Variants in PCDHGA1 observed in about 807,000 individuals in gnomAD.
PCDHGA1 encodes the protein protocadherin gamma subfamily A, 1, also known as protocadherin gamma-A1.
A neutral mutation model predicts 58.0 loss-of-function variants in PCDHGA1; 32 were observed. That is an observed-to-expected ratio of 0.55 (90% CI 0.42 to 0.74). PCDHGA1 has a LOEUF of 0.74. Ranked by LOEUF, PCDHGA1 falls within the 30% of genes least tolerant of loss-of-function variation. The probability of loss-of-function intolerance (pLI) is 0.00; values close to 1 mark genes in which losing one functional copy is unlikely to be tolerated. For missense variants in PCDHGA1, 1,205 were observed against 1,182.3 expected (o/e 1.02, Z -0.28); for synonymous variants, 498 against 501.1 (o/e 0.99, Z 0.08).
At chr5:141,335,325 A>T (rs1756560167) in intron 1 of PCDHGA1, among the ~76,000 whole-genome samples, 1 of 152,226 alleles carries the variant, frequency 6.6e-6, no homozygotes. Context: ...ATAAAAATAC[A>T]CTGAAACAGT....
At chr5:141,339,412 G>A (rs200844226) in intron 1 of PCDHGA1, 34 of 1,614,068 alleles carry the variant, frequency 2.1e-5, no homozygotes, top group Non-Finnish European at 2.3e-5. Context: ...AAACCACTAC[G>A]CCAGGATTCC....
In PCDHGA1 at chr5:141,477,798, A is replaced by G; in HGVS notation, c.2422-17009A>G. On this transcript the variant is annotated intron_variant, in intron 1 of 3. Transcript: ENST00000517417. The surrounding 1 kb of genome is among the most constrained non-coding windows in gnomAD (Gnocchi z 4.9). ...GTGAACATATTTGTCACTGATCGCA[A>G]TGACAATGCCCCCCAGGTCCTATAT... The G allele has an allele frequency of 6.2e-7, 1 of 1,614,140 alleles. No homozygotes were observed. The highest frequency in any genetic ancestry group is 8.5e-7 in the Non-Finnish European group (1 of 1,180,038).
Position 141,491,712 on chromosome 5 carries a change from G to C in PCDHGA1, c.2422-3095G>C. 3.1e-6 allele frequency: 5 copies of C among 1,609,408 alleles called. No individual in the cohort carries two copies. Among genetic ancestry groups the C allele is most frequent in the Middle Eastern group, 1.7e-4 (1 of 6,024 alleles). ...GGGAGCGGAGCCAGGTGAGGGGCTCGGCGCCGCCCCGGGCGACCCCTGGGG... is the reference window on the plus strand; with the variant it reads ...GGGAGCGGAGCCAGGTGAGGGGCTCCGCGCCGCCCCGGGCGACCCCTGGGG... On this transcript the variant is annotated intron_variant, in intron 1 of 3. Transcript: ENST00000517417. The surrounding 1 kb of genome is among the most constrained non-coding windows in gnomAD (Gnocchi z 6.9).
chr5:141,357,095 T>C (rs1263482275), intron 1 of PCDHGA1: 4 of 1,613,868 alleles, frequency 2.5e-6, no homozygotes, highest in Admixed American at 3.3e-5. Context: ...GCACGGGCCC[T>C]GCTGGACAGA....
At chr5:141,340,827 T>C (rs1455827873) in intron 1 of PCDHGA1, 2 of 1,613,750 alleles carry the variant, frequency 1.2e-6, no homozygotes, top group Non-Finnish European at 1.7e-6. Context: ...CTCTTCTCGG[T>C]GGGTCTGCAC....
intron 1 of PCDHGA1, chr5:141,382,935 A>C: frequency 6.3e-7 from 1 of 1,589,148 alleles, no homozygotes; most frequent in Non-Finnish European, 8.6e-7. Flanking sequence ...ACTACAGAGG[A>C]TTCTTCCTGC....
At chr5:141,394,662 T>C in intron 1 of PCDHGA1, 3 of 1,613,258 alleles carry the variant, frequency 1.9e-6, no homozygotes, top group African/African-American at 2.7e-5. Flanking sequence ...GCCGGGACTC[T>C]TCTCGGTGGG....
rs1435240793 is a variant in PCDHGA1 at position 141,402,906 on chromosome 5, CA to C, written c.2421+69802del. ...GGGTGGAAGAAAGAACCTGATGAAG[CA>C]GCGCGCACAGAGATCCTTTTGAGAA... On this transcript the variant is annotated intron_variant, in intron 1 of 3. Coordinates refer to ENST00000517417, the MANE Select transcript of PCDHGA1 (RefSeq NM_018912.3). The C allele has an allele frequency of 3.9e-6, 6 of 1,529,062 alleles. No homozygotes were observed. The African/African-American group carries it at 8.3e-5, about 21-fold the overall frequency. 94.7% of individuals were successfully genotyped at this position (1,529,062 alleles called of 1,614,324 possible). A position where few individuals can be genotyped will look rare whatever the true frequency, so the allele number is the denominator to read the frequency against.
At chr5:141,456,342 G>A (rs1439003615) in intron 1 of PCDHGA1, among the ~76,000 whole-genome samples, 1 of 152,114 alleles carries the variant, frequency 6.6e-6, no homozygotes, top group African/African-American at 2.4e-5. Context: ...AAGGGTCCTC[G>A]GAAGAATGGC....
intron 1 of PCDHGA1, chr5:141,376,561 A>C (rs780141155): frequency 4.2e-5 from 67 of 1,608,210 alleles, no homozygotes; most frequent in Non-Finnish European, 5.4e-5. Context: ...CCGCAACCCA[A>C]CTAATCAGAC....
intron 1 of PCDHGA1, chr5:141,342,569 G>T (rs1287393532): frequency 6.6e-6 from 1 of 152,164 alleles, no homozygotes; most frequent in Non-Finnish European, 1.5e-5. Flanking sequence ...ACAAGGTGTT[G>T]TTTTGGTTAC....
chr5:141,344,595 G>A, intron 1 of PCDHGA1: 1 of 1,613,976 alleles, frequency 6.2e-7, no homozygotes, highest in Admixed American at 1.7e-5. Context: ...CGTCTCTGAG[G>A]GGGCCAAGTA....
chr5:141,414,867 C>T (rs2095797355), intron 1 of PCDHGA1: 9 of 1,614,230 alleles, frequency 5.6e-6, no homozygotes, highest in South Asian at 1.1e-5. Flanking sequence ...ACAATGCGCC[C>T]GAGATCCTGT....
intron 1 of PCDHGA1, chr5:141,404,701 G>T (rs563319884): frequency 6.2e-7 from 1 of 1,614,074 alleles, no homozygotes; most frequent in African/African-American, 1.3e-5. Flanking sequence ...GCTCTGCAGA[G>T]CCTGGCTACC....
At position 141,331,636 on chromosome 5, in the gene PCDHGA1, G is replaced by A; in HGVS notation, c.952G>A (p.Glu318Lys). ...DFEEYKMYSMEVQAQDGAGLM... is the reference protein window; with the variant it reads ...DFEEYKMYSMKVQAQDGAGLM... Reference sequence around the variant, plus strand: ...CGAAGAATACAAAATGTATTCAATGGAAGTTCAAGCCCAGGATGGTGCGGG... The same window carrying A: ...CGAAGAATACAAAATGTATTCAATGAAAGTTCAAGCCCAGGATGGTGCGGG... Residue 318 changes from glutamate to lysine, a missense_variant, in exon 1 of 4, where the codon GAA becomes AAA. Coordinates refer to ENST00000517417, the MANE Select transcript of PCDHGA1 (RefSeq NM_018912.3). The A allele has an allele frequency of 6.2e-7, 1 of 1,614,094 alleles. No individual in the cohort carries two copies. The highest frequency in any genetic ancestry group is 8.5e-7 in the Non-Finnish European group (1 of 1,180,012).
chr5:141,476,711 G>C lies in PCDHGA1; in HGVS notation c.2422-18096G>C. 1 of 1,614,194 alleles carries C rather than the reference G, an allele frequency of 6.2e-7. No individual in the cohort carries two copies. The highest frequency in any genetic ancestry group is 8.5e-7 in the Non-Finnish European group (1 of 1,180,042). On this transcript the variant is annotated intron_variant, in intron 1 of 3. Coordinates refer to ENST00000517417, the MANE Select transcript of PCDHGA1 (RefSeq NM_018912.3). This position sits in a 1 kb window ranked among gnomAD's most constrained non-coding sequence, Gnocchi z 7.6. ...CACCAAGTACGCGGAGCTGGTGTTG[G>C]AGCGCGCCCTGGACCGAGAACGGGA...
Position 141,491,140 on chromosome 5 carries a change from T to A in PCDHGA1, c.2422-3667T>A, listed in dbSNP as rs1392575961. On this transcript the variant is annotated intron_variant, in intron 1 of 3. Coordinates refer to ENST00000517417, the MANE Select transcript of PCDHGA1 (RefSeq NM_018912.3). This position sits in a 1 kb window ranked among gnomAD's most constrained non-coding sequence, Gnocchi z 6.9. ...TGGTGAGGTGCGCACAGCCCGGGCC[T>A]TACTGGAGGATGACTCTGACACCCA... 2 of 1,614,110 alleles carry A rather than the reference T, an allele frequency of 1.2e-6. No individual in the cohort carries two copies. Among genetic ancestry groups the A allele is most frequent in the Non-Finnish European group, 1.7e-6 (2 of 1,179,992 alleles).
Position 141,333,001 on chromosome 5 carries a change from C to A in PCDHGA1, c.2317C>A (p.Pro773Thr). 3 of 1,614,198 alleles carry A rather than the reference C, an allele frequency of 1.9e-6. No homozygotes were observed. Among genetic ancestry groups the A allele is most frequent in the Non-Finnish European group, 2.5e-6 (3 of 1,180,038 alleles). Residue 773 changes from proline to threonine, a missense_variant, in exon 1 of 4, where the codon CCC (proline) becomes ACC (threonine). Coordinates refer to ENST00000517417, the MANE Select transcript of PCDHGA1 (RefSeq NM_018912.3). ...GAAGAGCCACCTGATTTTCCCCCAG[C>A]CCAACTATGCGGACACACTCATCAG... ...SRKSHLIFPQ[P>T]NYADTLISQE...
chr5:141,387,829 G>T, intron 1 of PCDHGA1: 2 of 1,591,770 alleles, frequency 1.3e-6, no homozygotes, highest in South Asian at 2.3e-5. Flanking sequence ...CAATACAGAG[G>T]TTATTTGTAA....
Sources: gnomAD v4.1 joint callset for allele counts (sites outside exome capture counted in the v4.1 genomes callset) on GRCh38, gnomAD v4.1.1 for gene constraint, Gnocchi (gnomAD v3.1) non-coding constraint, MANE v1.5 for transcripts, NCBI Gene and HGNC (gene_info 2026-07-23, HGNC 2026-07-21) for gene names.